NUP85: variants seen among roughly 807,000 people sequenced by gnomAD.
The protein encoded by NUP85 is nucleoporin 85.
NUP85 carries 23 observed loss-of-function variants against 92.8 expected under a neutral mutation model. The observed-to-expected ratio is 0.25, with a 90% CI of 0.18 to 0.35. NUP85 has a LOEUF of 0.35. Ranked by LOEUF, NUP85 falls within the 10% of genes least tolerant of loss-of-function variation. The probability of loss-of-function intolerance (pLI) is 1.00; values close to 1 mark genes in which losing one functional copy is unlikely to be tolerated. For synonymous variants in NUP85, 314 were observed against 306.9 expected (o/e 1.02, Z -0.24); for missense variants, 759 against 822.8 (o/e 0.92, Z 0.95).
chr17:75,218,820 T>C (rs926979113), intron 7 of NUP85, among the ~76,000 whole-genome samples: 3 of 152,058 alleles, frequency 2.0e-5, no homozygotes, highest in Non-Finnish European at 4.4e-5. Flanking sequence ...AGTGGCCTGA[T>C]CTTGCTCACT....
In NUP85 at chr17:75,234,746, G is replaced by A. The variant is rs994606920; in HGVS notation, c.1725G>A (p.Met575Ile). The A allele has an allele frequency of 1.2e-6, 2 of 1,614,120 alleles. No homozygotes were observed. Among genetic ancestry groups the A allele is most frequent in the Non-Finnish European group, 1.7e-6 (2 of 1,180,056 alleles). Residue 575 changes from methionine to isoleucine, a missense_variant, in exon 17 of 19, where the codon ATG (methionine) becomes ATA (isoleucine). Transcript: ENST00000245544. ...TSRIAPRSFW[M>I]TLLTDALPLL... ...GGATTGCCCCTCGGTCTTTCTGGATGACTCTGCTGACAGACGCCTTGCCCC... is the reference window on the plus strand; with the variant it reads ...GGATTGCCCCTCGGTCTTTCTGGATAACTCTGCTGACAGACGCCTTGCCCC...
chr17:75,212,142 C>T (rs2075283708), intron 4 of NUP85, 80 bp downstream of exon 4: 1 of 956,984 alleles, frequency 1.0e-6, no homozygotes, highest in Non-Finnish European at 1.6e-6. Context: ...TGCATAAATA[C>T]TGTGAGGTAA....
At chr17:75,232,102 T>C in intron 14 of NUP85, 123 bp downstream of exon 14, 6 of 1,000,650 alleles carry the variant, frequency 6.0e-6, no homozygotes, top group Non-Finnish European at 8.7e-6. Flanking sequence ...GACGTGGGGC[T>C]GTGGACGCCA....
chr17:75,228,671 G>GT, intron 11 of NUP85: 1 of 985,442 alleles, frequency 1.0e-6, no homozygotes, highest in African/African-American at 1.7e-5. Flanking sequence ...CCAGTGAGCT[G>GT]TTGGCATGCC....
rs199756304 is a variant in NUP85 at position 75,234,684 on chromosome 17, G to A, written c.1663G>A (p.Asp555Asn). Residue 555 changes from aspartate to asparagine, a missense_variant, in exon 17 of 19, where the codon GAC becomes AAC. By Grantham distance (23) the Asp-to-Asn change is conservative. Transcript: ENST00000245544. ...TATGTACGGGGAGAAGCGTTTTGCC[G>A]ACGCAGCTTCTCTCCTTCTGTCCTT... ...HRMYGEKRFA[D>N]AASLLLSLMT... 1,275 of 1,614,174 alleles carry A rather than the reference G, an allele frequency of 7.9e-4. 18 individuals are homozygous for A. The South Asian group carries it at 0.013, about 17-fold the overall frequency.
rs766091975 is a variant in NUP85 at position 75,212,083 on chromosome 17, CGCGCGTGTGTGTGTGTGT to C, written c.361+23_361+40del. ...TGCAAGTAAGGACTGTGTGCGCGTG[CGCGCGTGTGTGTGTGTGT>C]GTGTGTGTGGGTATTTTGAGTATTT... On this transcript the variant is annotated intron_variant, in intron 4 of 18. Coordinates refer to ENST00000245544, the MANE Select transcript of NUP85 (RefSeq NM_024844.5). 6.5e-5 allele frequency: 61 copies of C among 941,650 alleles called. No homozygotes were observed. The African/African-American group carries it at 1.0e-3, about 15-fold the overall frequency. The allele number at this position is 941,650 out of a possible 1,614,324, so 58.3% of individuals were successfully genotyped here. A position where few individuals can be genotyped will look rare whatever the true frequency, so the allele number is the denominator to read the frequency against.
At chr17:75,207,185 C>CT (rs201447114) in intron 1 of NUP85, among the ~76,000 whole-genome samples, 25 of 147,094 alleles carry the variant, frequency 1.7e-4, no homozygotes, top group South Asian at 4.3e-4. Context: ...ATGTGGCCTT[C>CT]TTTTTTTTTT....
rs768652242 is a variant in NUP85, at chr17:75,209,969, A to G, written c.274A>G (p.Lys92Glu). 6.3e-7 allele frequency: 1 copy of G among 1,586,892 alleles called. No individual in the cohort carries two copies. The highest frequency in any genetic ancestry group is 8.5e-7 in the Non-Finnish European group (1 of 1,173,250). Reference sequence around the variant, plus strand: ...GAGAATTGACGAAGAGTTGACTGGAAAATCCAGAAAATCTCAGTAAGTTGG... The same window carrying G: ...GAGAATTGACGAAGAGTTGACTGGAGAATCCAGAAAATCTCAGTAAGTTGG... The part of the protein sequence containing the change: ...LQRIDEELTG[K>E]SRKSQLVRVS... The change falls in exon 3 of 19, where the codon AAA becomes GAA. Residue 92 changes from lysine (K) to glutamate (E), a missense_variant. Physicochemically the swap from Lys to Glu is moderately conservative, Grantham distance 56 (BLOSUM62 1). Coordinates refer to ENST00000245544, the MANE Select transcript of NUP85 (RefSeq NM_024844.5).
Position 75,234,664 on chromosome 17 carries a change from A to T in NUP85, c.1643A>T (p.Tyr548Phe), listed in dbSNP as rs200639832. 6.2e-7 allele frequency: 1 copy of T among 1,614,224 alleles called. No homozygotes were observed. The highest frequency in any genetic ancestry group is 8.5e-7 in the Non-Finnish European group (1 of 1,180,040). The change falls in exon 17 of 19, where the codon TAC (tyrosine) becomes TTC (phenylalanine). Residue 548 changes from tyrosine to phenylalanine, a missense_variant. Physicochemically the swap from Tyr to Phe is conservative, Grantham distance 22 (BLOSUM62 3). Transcript: ENST00000245544. The stretch of plus-strand genomic sequence containing the variant: ...AAGTATCGCGAGTTCCACCGTATGT[A>T]CGGGGAGAAGCGTTTTGCCGACGCA... ...LGKYREFHRM[Y>F]GEKRFADAAS... is the part of the protein sequence containing the mutation.
At chr17:75,234,350 G>A (rs980199624) in intron 16 of NUP85, among the ~76,000 whole-genome samples, 5 of 152,148 alleles carry the variant, frequency 3.3e-5, no homozygotes, top group Admixed American at 6.5e-5. Flanking sequence ...GAGCCACCAC[G>A]CCTGGCCTAG....
chr17:75,227,477 A>T (rs1278465334), intron 11 of NUP85, among the ~76,000 whole-genome samples: 17 of 151,720 alleles, frequency 1.1e-4, no homozygotes, highest in Admixed American at 9.9e-4. Context: ...CTGGGATTAC[A>T]GGTGTCCGTC....
In NUP85 at chr17:75,231,308, T is replaced by A. The variant is rs1435409058; in HGVS notation, c.1095-32T>A. On this transcript the variant is annotated intron_variant, in intron 11 of 18. Transcript: ENST00000245544. This position sits in a 1 kb window ranked among gnomAD's most constrained non-coding sequence, Gnocchi z 4.6. ...TGTGGGACGCGGCCTGTGCCCTGAT[T>A]TTCCTTCTTGCCTTGGTGTCTGAAT... is the stretch of plus-strand genomic sequence containing the variant. 6.2e-7 allele frequency: 1 copy of A among 1,613,210 alleles called. No individual in the cohort carries two copies. Among genetic ancestry groups the A allele is most frequent in the Non-Finnish European group, 8.5e-7 (1 of 1,179,180 alleles).
At chr17:75,234,591 A>C in intron 16 of NUP85, 46 bp from the exon 17 acceptor site, 2 of 1,604,958 alleles carry the variant, frequency 1.2e-6, no homozygotes, top group Non-Finnish European at 1.7e-6. Flanking sequence ...CACTTGGGCA[A>C]TTTGGGGGAA....
rs1037009881 is a variant in NUP85, at chr17:75,222,836, C to G, written c.598-2267C>G. 2.6e-5 allele frequency among the ~76,000 whole-genome samples: 4 copies of G among 151,766 alleles called. No individual in the cohort carries two copies. The South Asian group carries it at 8.3e-4, about 31-fold the overall frequency. ...GGATCATGAAGTCAGGAGATCAAGA[C>G]CATCCTGGCTAACACAGTGAAACCC... is the stretch of plus-strand genomic sequence containing the variant. On this transcript the variant is annotated intron_variant, in intron 7 of 18. Coordinates refer to ENST00000245544, the MANE Select transcript of NUP85 (RefSeq NM_024844.5).
intron 11 of NUP85, among the ~76,000 whole-genome samples, chr17:75,227,397 G>A (rs2075854768): frequency 6.8e-6 from 1 of 147,032 alleles, no homozygotes; most frequent in South Asian, 2.1e-4. Flanking sequence ...GTGCAGTGGC[G>A]TGATCTTGGC....
At chr17:75,207,394 A>G (rs2075118486) in intron 1 of NUP85, among the ~76,000 whole-genome samples, 1 of 151,870 alleles carries the variant, frequency 6.6e-6, no homozygotes. Flanking sequence ...CATGTTGGTC[A>G]GGCTGGTCTG....
intron 18 of NUP85, 174 bp downstream of exon 18, chr17:75,235,375 A>G (rs1205200277): frequency 9.7e-6 from 6 of 617,590 alleles, no homozygotes; most frequent in Non-Finnish European, 1.7e-5. Flanking sequence ...CAGGGATTCT[A>G]GTGTTCTCAT....
intron 16 of NUP85, 26 bp downstream of exon 16, chr17:75,233,184 T>A: frequency 6.3e-7 from 1 of 1,592,610 alleles, no homozygotes; most frequent in Non-Finnish European, 8.6e-7. Flanking sequence ...TTGTGCCCTG[T>A]GCTTTGGGCA....
At chr17:75,214,936 C>T (rs2075383806) in intron 5 of NUP85, among the ~76,000 whole-genome samples, 1 of 152,026 alleles carries the variant, frequency 6.6e-6, no homozygotes, top group South Asian at 2.1e-4. Flanking sequence ...CTTTGGGAGG[C>T]CGAGGCAGGT....
Sources: gnomAD v4.1 joint callset for allele counts (sites outside exome capture counted in the v4.1 genomes callset) on GRCh38, gnomAD v4.1.1 for gene constraint, Gnocchi (gnomAD v3.1) non-coding constraint, MANE v1.5 for transcripts, NCBI Gene and HGNC (gene_info 2026-07-23, HGNC 2026-07-21) for gene names.